Variants in PLXDC2 observed in about 807,000 individuals in gnomAD.
PLXDC2 encodes plexin domain containing 2.
Under a neutral mutation model 68.9 loss-of-function variants are expected in PLXDC2, and 40 were observed. The observed-to-expected ratio is 0.58, with a 90% CI of 0.45 to 0.76. PLXDC2 has a LOEUF of 0.76. Ranked by LOEUF, PLXDC2 falls within the 30% of genes least tolerant of loss-of-function variation. The probability of loss-of-function intolerance (pLI) is 0.00; values close to 1 mark genes in which losing one functional copy is unlikely to be tolerated. For missense variants in PLXDC2, 644 were observed against 661.9 expected (o/e 0.97, Z 0.30); for synonymous variants, 243 against 234.2 (o/e 1.04, Z -0.34).
chr10:19,890,356 G>A (rs1431953654), intron 1 of PLXDC2, among the ~76,000 whole-genome samples: 1 of 152,126 alleles, frequency 6.6e-6, no homozygotes, highest in South Asian at 2.1e-4. Flanking sequence ...CCCAGGTACT[G>A]AGCATAGTAC....
At chr10:20,030,398 A>G (rs189640757) in intron 2 of PLXDC2, among the ~76,000 whole-genome samples, 12 of 152,332 alleles carry the variant, frequency 7.9e-5, no homozygotes, top group Non-Finnish European at 1.3e-4. Flanking sequence ...GCAATGCCTC[A>G]AGAGGCTGTA....
At chr10:20,082,243 T>C (rs1360447231) in intron 4 of PLXDC2, among the ~76,000 whole-genome samples, 1 of 151,582 alleles carries the variant, frequency 6.6e-6, no homozygotes, top group Admixed American at 6.6e-5. Flanking sequence ...TATATCAATA[T>C]TCAATATCAA....
chr10:19,844,865 A>T (rs1836976312), intron 1 of PLXDC2, among the ~76,000 whole-genome samples: 1 of 152,212 alleles, frequency 6.6e-6, no homozygotes, highest in African/African-American at 2.4e-5. Context: ...AAGTGCTGGG[A>T]TTACAGGCAA....
intron 7 of PLXDC2, among the ~76,000 whole-genome samples, chr10:20,169,949 C>T (rs1020126840): frequency 8.5e-5 from 13 of 152,250 alleles, no homozygotes; most frequent in Admixed American, 3.3e-4. Flanking sequence ...CAGGCCTCTT[C>T]GTATCAGTAT....
chr10:19,882,259 ACTC>A lies in PLXDC2; in HGVS notation c.112+65070_112+65072del, dbSNP rs1185893874. On this transcript the variant is annotated intron_variant, in intron 1 of 13. Coordinates refer to ENST00000377252, the MANE Select transcript of PLXDC2 (RefSeq NM_032812.9). Reference sequence around the variant, plus strand: ...TTCACTTATGTTTATTTCTGCCACTACTCCACACAATAAACATCAATGCATTAT... The same window carrying A: ...TTCACTTATGTTTATTTCTGCCACTACACACAATAAACATCAATGCATTAT... Among the ~76,000 whole-genome samples, 19 of 152,148 alleles carry A rather than the reference ACTC, an allele frequency of 1.2e-4. 1 individual carries two copies. In the South Asian group the frequency reaches 3.5e-3, roughly 28 times the overall value.
intron 1 of PLXDC2, among the ~76,000 whole-genome samples, chr10:19,941,348 G>T (rs1833815954): frequency 6.6e-6 from 1 of 152,198 alleles, no homozygotes; most frequent in Non-Finnish European, 1.5e-5. Flanking sequence ...TGGGAATTGT[G>T]ACAGAAAGTT....
intron 1 of PLXDC2, among the ~76,000 whole-genome samples, chr10:19,857,324 C>G (rs1373551758): frequency 6.6e-6 from 1 of 152,154 alleles, no homozygotes; most frequent in Non-Finnish European, 1.5e-5. Flanking sequence ...TCTCGCTGTC[C>G]TCTACATCTG....
At chr10:19,854,180 C>T (rs74119759) in intron 1 of PLXDC2, among the ~76,000 whole-genome samples, 29,837 of 151,988 alleles carry the variant, frequency 0.2, 3,149 homozygotes, top group African/African-American at 0.3. Flanking sequence ...TGCAGCAGGG[C>T]GAGTGGATGA....
intron 1 of PLXDC2, among the ~76,000 whole-genome samples, chr10:19,826,475 A>G (rs1044291098): frequency 1.3e-5 from 2 of 152,306 alleles, no homozygotes; most frequent in South Asian, 4.1e-4. Context: ...TTTTTGTCAT[A>G]CAAGAAAAAT....
intron 9 of PLXDC2, among the ~76,000 whole-genome samples, chr10:20,179,886 G>A (rs967522796): frequency 2.0e-5 from 3 of 152,060 alleles, no homozygotes; most frequent in Non-Finnish European, 4.4e-5. Context: ...TAAGTGATAA[G>A]TTTGGAATCA....
intron 13 of PLXDC2, among the ~76,000 whole-genome samples, chr10:20,256,989 A>G (rs1001343860): frequency 1.3e-5 from 2 of 152,212 alleles, no homozygotes; most frequent in Admixed American, 1.3e-4. Context: ...CGTAGCCTCA[A>G]CTGTGTTCAG....
In PLXDC2 at chr10:20,281,459, A is replaced by G. The variant is rs1028712706; in HGVS notation, c.*1640A>G. On this transcript the variant is annotated 3_prime_UTR_variant, in exon 14 of 14. Transcript: ENST00000377252. ...AGGTCTCAAGAAGCAGAGATGTCTC[A>G]TAAGCAGCATTTTCCCAACAGTTTA... 2.6e-5 allele frequency: 4 copies of G among 152,204 alleles called. No homozygotes were observed. The highest frequency in any genetic ancestry group is 5.9e-5 in the Non-Finnish European group (4 of 68,036). 9.4% of individuals were successfully genotyped at this position (152,204 alleles called of 1,614,324 possible). A position where few individuals can be genotyped will look rare whatever the true frequency, so the allele number is the denominator to read the frequency against.
In PLXDC2 at chr10:20,004,018, A is replaced by G. The variant is rs141678634; in HGVS notation, c.324+2032A>G. ...CTTTCTCTGAGCTGACAGGCTTATGATTTTTAAGAACCAGGCAGCATTCTT... is the reference window on the plus strand; with the variant it reads ...CTTTCTCTGAGCTGACAGGCTTATGGTTTTTAAGAACCAGGCAGCATTCTT... On this transcript the variant is annotated intron_variant, in intron 2 of 13. Transcript: ENST00000377252. 1.3e-3 allele frequency among the ~76,000 whole-genome samples: 201 copies of G among 152,210 alleles called. 4 individuals carry two copies. In the East Asian group the frequency reaches 0.03, roughly 23 times the overall value.
At chr10:20,146,353 T>G in intron 5 of PLXDC2, among the ~76,000 whole-genome samples, 1 of 152,038 alleles carries the variant, frequency 6.6e-6, no homozygotes, top group East Asian at 1.9e-4. Flanking sequence ...TCCTTCTTTC[T>G]TTTCTTTTCT....
intron 6 of PLXDC2, among the ~76,000 whole-genome samples, chr10:20,158,231 T>C (rs1834242436): frequency 6.6e-6 from 1 of 152,146 alleles, no homozygotes; most frequent in Admixed American, 6.5e-5. Flanking sequence ...GTTTTGGTGC[T>C]TTAACATGTT....
At chr10:20,262,818 G>A (rs999629520) in intron 13 of PLXDC2, among the ~76,000 whole-genome samples, 2 of 152,220 alleles carry the variant, frequency 1.3e-5, no homozygotes, top group Non-Finnish European at 2.9e-5. Context: ...TGGCCAGACT[G>A]TTAGGTGGGG....
intron 6 of PLXDC2, among the ~76,000 whole-genome samples, chr10:20,157,078 A>G (rs191504017): frequency 7.2e-5 from 11 of 152,298 alleles, no homozygotes; most frequent in Admixed American, 5.9e-4. Context: ...TGTTTTGATA[A>G]TAATAAAAGA....
intron 6 of PLXDC2, among the ~76,000 whole-genome samples, chr10:20,156,753 A>G (rs1358758807): frequency 6.6e-6 from 1 of 152,334 alleles, no homozygotes. Context: ...AATACCTGGC[A>G]GATGAGAGTT....
rs989143058 is a variant in PLXDC2 at position 19,827,024 on chromosome 10, T to C, written c.112+9833T>C. Among the ~76,000 whole-genome samples, 51 of 152,220 alleles carry C rather than the reference T, an allele frequency of 3.4e-4. 1 individual carries two copies. Among genetic ancestry groups the C allele is most frequent in the Non-Finnish European group, 8.8e-5 (6 of 68,030 alleles). ...ACTGATTTATTCAGTTTTCCATCCA[T>C]GGATAATTAGTGCTCTTGTGAATGT... is the stretch of plus-strand genomic sequence containing the variant. On this transcript the variant is annotated intron_variant, in intron 1 of 13. Transcript: ENST00000377252.
Sources: allele counts gnomAD v4.1 joint callset (sites outside exome capture counted in the v4.1 genomes callset), GRCh38; gene constraint gnomAD v4.1.1; transcripts MANE v1.5; gene names NCBI Gene and HGNC (gene_info 2026-07-23, HGNC 2026-07-21).